Variants in USP9Y observed in about 807,000 individuals in gnomAD.
The protein encoded by USP9Y is ubiquitin carboxyl-terminal hydrolase 9Y.
A neutral mutation model predicts 53.1 loss-of-function variants in USP9Y; 41 were observed. The ratio of observed to expected loss-of-function variants is 0.77; its 90% CI spans 0.60 to 1.00. USP9Y has a LOEUF of 1.00. Ranked by LOEUF, USP9Y falls within the 50% of genes least tolerant of loss-of-function variation. The pLI, the probability that USP9Y is intolerant of heterozygous loss-of-function variation, is 0.00. For synonymous variants in USP9Y, 220 were observed against 173.7 expected, an observed-to-expected ratio of 1.27 and a Z score of -2.09; for missense variants, 567 against 535.8, an observed-to-expected ratio of 1.06 and a Z score of -0.58.
At chrY:12,825,893 C>A in intron 33 of USP9Y, among the ~76,000 whole-genome samples, 3 of 7,811 alleles carry the variant, frequency 3.8e-4, no homozygotes, top group Non-Finnish European at 5.7e-4. Flanking sequence ...AGTATATTTT[C>A]TTTTCTTTTC....
At chrY:12,838,176 G>T in intron 35 of USP9Y, 124 bp downstream of exon 35, 5 of 150,487 alleles carry the variant, frequency 3.3e-5, no homozygotes, top group Non-Finnish European at 5.9e-5. Context: ...TGGTAGCAGA[G>T]AGGTGGTCAA....
At chrY:12,856,150 G>C (rs2053575979) in intron 42 of USP9Y, among the ~76,000 whole-genome samples, 190 bp from the exon 43 acceptor site, 1 of 32,665 alleles carries the variant, frequency 3.1e-5, no homozygotes, top group Non-Finnish European at 7.5e-5. Context: ...TATTTGTGCT[G>C]TCTGTACTTG....
chrY:12,857,574 T>G lies in USP9Y; in HGVS notation c.7443T>G (p.Asp2481Glu). 2.6e-6 allele frequency: 1 copy of G among 384,978 alleles called. No homozygotes were observed. The highest frequency in any genetic ancestry group is 3.6e-6 in the Non-Finnish European group (1 of 275,381). ...ACELCPEEEP[D>E]DQDAPDEHEP... is the part of the protein sequence containing the mutation. ...TAAATATTTAAAATTAGGAGCCAGA[T>G]GACCAGGATGCCCCAGATGAGCATG... Residue 2481 changes from aspartate to glutamate, a missense_variant, in exon 45 of 46, where the codon GAT becomes GAG. Physicochemically the swap from Asp to Glu is conservative, Grantham distance 45 (BLOSUM62 2). Coordinates refer to ENST00000338981, the MANE Select transcript of USP9Y (RefSeq NM_004654.4).
intron 17 of USP9Y, among the ~76,000 whole-genome samples, 180 bp downstream of exon 17, chrY:12,774,105 A>G (rs2053489647): frequency 3.0e-5 from 1 of 32,800 alleles, no homozygotes; most frequent in Non-Finnish European, 7.4e-5. Context: ...TATTTTATTC[A>G]TTACTGGTTT....
chrY:12,778,844 G>T, intron 21 of USP9Y, 89 bp downstream of exon 21: 1 of 231,151 alleles, frequency 4.3e-6, no homozygotes, highest in Non-Finnish European at 7.1e-6. Flanking sequence ...ATTCATAAAT[G>T]GGTCAAAATG....
At chrY:12,789,898 C>G in intron 24 of USP9Y, among the ~76,000 whole-genome samples, 1 of 32,887 alleles carries the variant, frequency 3.0e-5, no homozygotes, top group African/African-American at 1.2e-4. Context: ...AAGTTTCTAC[C>G]CAGAGACATG....
rs534071998 is a variant in USP9Y, at chrY:12,763,133, G to A, written c.1900+2516G>A. ...ATTAGTCTGTATTCTGACTATATAC[G>A]ATACTACTAGTTGTTTATTTTTGTA... On this transcript the variant is annotated intron_variant, in intron 15 of 45. Coordinates refer to ENST00000338981, the MANE Select transcript of USP9Y (RefSeq NM_004654.4). Among the ~76,000 whole-genome samples, 96 of 33,270 alleles carry A rather than the reference G, an allele frequency of 2.9e-3. No homozygotes were observed. In the Middle Eastern group the frequency reaches 0.042, roughly 15 times the overall value. 89.3% of individuals were successfully genotyped at this position (33,270 alleles called of 37,273 possible). A position where few individuals can be genotyped will look rare whatever the true frequency, so the allele number is the denominator to read the frequency against.
chrY:12,797,278 C>T (rs911222594), intron 27 of USP9Y, among the ~76,000 whole-genome samples: 6 of 33,283 alleles, frequency 1.8e-4, no homozygotes, highest in Middle Eastern at 0.014. Flanking sequence ...GTCCTGAGAA[C>T]ATGTGCCCAA....
In USP9Y at chrY:12,816,332, G is replaced by A; in HGVS notation, c.4818G>A (p.Lys1606=). The A allele has an allele frequency of 2.5e-6, 1 of 396,987 alleles. No homozygotes were observed. Among genetic ancestry groups the A allele is most frequent in the South Asian group, 3.0e-5 (1 of 33,635 alleles). The change falls in exon 32 of 46, where the codon AAG becomes AAA. Residue 1606 remains lysine (K), a synonymous_variant. Coordinates refer to ENST00000338981, the MANE Select transcript of USP9Y (RefSeq NM_004654.4). The part of the protein sequence containing the change: ...DLHDDMFGDE[K]QDSESNVDPR... ...ACGATGATATGTTCGGGGATGAGAAGCAGGACAGTGAGGTAAATTTTAATA... is the reference window on the plus strand; with the variant it reads ...ACGATGATATGTTCGGGGATGAGAAACAGGACAGTGAGGTAAATTTTAATA...
chrY:12,738,003 GT>G (rs2053453249), intron 10 of USP9Y, among the ~76,000 whole-genome samples, 153 bp from the exon 11 acceptor site: 1 of 33,790 alleles, frequency 3.0e-5, no homozygotes, highest in Admixed American at 2.7e-4. Flanking sequence ...ACACTTAAAT[GT>G]TACACTACTG....
chrY:12,803,636 C>A (rs903297029), intron 27 of USP9Y: 1 of 34,654 alleles, frequency 2.9e-5, no homozygotes, highest in African/African-American at 1.2e-4. Flanking sequence ...CCTATTCTGG[C>A]CAGTATGTTG....
At chrY:12,745,678 A>G (rs755929717) in intron 12 of USP9Y, among the ~76,000 whole-genome samples, 1 of 34,234 alleles carries the variant, frequency 2.9e-5, no homozygotes, top group African/African-American at 1.1e-4. Flanking sequence ...ATTATAAGTC[A>G]AGAATACTTA....
intron 12 of USP9Y, among the ~76,000 whole-genome samples, chrY:12,744,638 A>G: frequency 2.9e-5 from 1 of 33,908 alleles, no homozygotes. Context: ...TAAGGCACTC[A>G]GATGAAAGAA....
At chrY:12,825,752 CTGA>C (rs2148290516) in intron 33 of USP9Y, among the ~76,000 whole-genome samples, 1 of 32,996 alleles carries the variant, frequency 3.0e-5, no homozygotes, top group East Asian at 7.8e-4. Flanking sequence ...AATGCTCATA[CTGA>C]TAGAAGCAAA....
intron 27 of USP9Y, among the ~76,000 whole-genome samples, chrY:12,797,836 T>C (rs2053515107): frequency 3.0e-5 from 1 of 33,426 alleles, no homozygotes; most frequent in African/African-American, 1.2e-4. Flanking sequence ...TCACGATATA[T>C]AGGGTTAAAT....
chrY:12,810,776 A>G lies in USP9Y; in HGVS notation c.4197A>G (p.Glu1399=). 1 of 398,055 alleles carries G rather than the reference A, an allele frequency of 2.5e-6. No individual in the cohort carries two copies. ...YNGNINIPNA[E]VLLVSEIDWL... ...GCAATATTAACATACCCAATGCTGA[A>G]GTTCTTCTTGTCAGTGAAATTGATT... Residue 1399 remains glutamate (E), a synonymous_variant, in exon 29 of 46, where the codon GAA becomes GAG. Coordinates refer to ENST00000338981, the MANE Select transcript of USP9Y (RefSeq NM_004654.4).
At chrY:12,821,853 G>A (rs767257553) in intron 33 of USP9Y, among the ~76,000 whole-genome samples, 9 of 33,003 alleles carry the variant, frequency 2.7e-4, no homozygotes, top group Admixed American at 1.1e-3. Context: ...AGGGTTTTTA[G>A]TAGAGATGAG....
intron 27 of USP9Y, among the ~76,000 whole-genome samples, chrY:12,795,160 T>C: frequency 2.9e-5 from 1 of 33,966 alleles, no homozygotes; most frequent in Admixed American, 2.6e-4. Flanking sequence ...TAACTCTTTT[T>C]GCTGCTCTTG....
chrY:12,818,575 A>G lies in USP9Y; in HGVS notation c.4986A>G (p.Gln1662=). ...GTCATTTAGCTGCTTCCCAACTACAATACTATGTACCCAGAGGATTTTGGA... is the reference window on the plus strand; with the variant it reads ...GTCATTTAGCTGCTTCCCAACTACAGTACTATGTACCCAGAGGATTTTGGA... ...IFGHLAASQL[Q]YYVPRGFWKQ... is the part of the protein sequence containing the mutation. The change falls in exon 33 of 46, where the codon CAA becomes CAG. Residue 1662 remains glutamine, a synonymous_variant. Transcript: ENST00000338981. 5.0e-6 allele frequency: 2 copies of G among 398,528 alleles called. No individual in the cohort carries two copies. The highest frequency in any genetic ancestry group is 7.1e-6 in the Non-Finnish European group (2 of 283,277).
Sources: gnomAD v4.1 joint callset for allele counts (sites outside exome capture counted in the v4.1 genomes callset) on GRCh38, gnomAD v4.1.1 for gene constraint, MANE v1.5 for transcripts, NCBI Gene and HGNC (gene_info 2026-07-23, HGNC 2026-07-21) for gene names.